ERI3: variants seen among roughly 807,000 people sequenced by gnomAD.
ERI3 encodes ERI1 exoribonuclease family member 3, also known as ERI1 exoribonuclease 3.
A neutral mutation model predicts 44.4 loss-of-function variants in ERI3; 18 were observed. The observed-to-expected ratio is 0.41, with a 90% CI of 0.28 to 0.60. The LOEUF is 0.60. Among genes scored for constraint, ERI3 ranks in the 20% least tolerant of loss-of-function variants. ERI3 has a pLI of 0.36. For missense variants in ERI3, 294 were observed against 435.5 expected, an observed-to-expected ratio of 0.68 and a Z score of 2.89; for synonymous variants, 183 against 164.8, an observed-to-expected ratio of 1.11 and a Z score of -0.84.
rs1281064293 is a variant in ERI3 at position 44,235,826 on chromosome 1, T to C, written c.931+12113A>G. ...TCCTGCAAACCCAGGCAGTCAAGGG[T>C]GGCAGTGGTGGTGCTGGGGCGCCCC... On this transcript the variant is annotated intron_variant, in intron 8 of 8. Coordinates refer to ENST00000372257, the MANE Select transcript of ERI3 (RefSeq NM_024066.3). This position sits in a 1 kb window ranked among gnomAD's most constrained non-coding sequence, Gnocchi z 4.6. Among the ~76,000 whole-genome samples the C allele has an allele frequency of 6.6e-6, 1 of 151,970 alleles. No homozygotes were observed. The highest frequency in any genetic ancestry group is 1.5e-5 in the Non-Finnish European group (1 of 67,956).
In ERI3 at chr1:44,355,223, G is replaced by C; in HGVS notation, c.-197C>G. ...CCCGTTCCCGGCCGCCTGAACAGCG[G>C]CAGCCAGCACCACGAGTCCACAACA... On this transcript the variant is annotated 5_prime_UTR_variant, in exon 1 of 9. Coordinates refer to ENST00000372257, the MANE Select transcript of ERI3 (RefSeq NM_024066.3). 8.4e-7 allele frequency: 1 copy of C among 1,186,452 alleles called. No homozygotes were observed. Among genetic ancestry groups the C allele is most frequent in the Non-Finnish European group, 1.0e-6 (1 of 959,038 alleles). 73.5% of individuals were successfully genotyped at this position (1,186,452 alleles called of 1,614,324 possible). A position where few individuals can be genotyped will look rare whatever the true frequency, so the allele number is the denominator to read the frequency against.
At chr1:44,263,284 C>T (rs140648269) in intron 7 of ERI3, among the ~76,000 whole-genome samples, 3 of 152,240 alleles carry the variant, frequency 2.0e-5, no homozygotes, top group Middle Eastern at 3.4e-3. Context: ...GGGCTGAAAA[C>T]GAAAAGCAAG....
At chr1:44,259,874 T>A (rs1263137327) in intron 7 of ERI3, among the ~76,000 whole-genome samples, 4 of 119,358 alleles carry the variant, frequency 3.4e-5, no homozygotes, top group Middle Eastern at 4.5e-3. Context: ...AGGAAAACCC[T>A]CTAGATAGAT....
At chr1:44,323,181 T>G (rs1557851463) in intron 3 of ERI3, 3 of 238,340 alleles carry the variant, frequency 1.3e-5, no homozygotes, top group Admixed American at 5.6e-5. Flanking sequence ...TGCCTTTGTA[T>G]GCCATTTGCA....
chr1:44,309,088 A>T (rs900185318), intron 5 of ERI3, among the ~76,000 whole-genome samples: 1 of 152,192 alleles, frequency 6.6e-6, no homozygotes, highest in African/African-American at 2.4e-5. Flanking sequence ...AAGGGAGAAA[A>T]ACTGCTCCTA....
intron 7 of ERI3, among the ~76,000 whole-genome samples, chr1:44,262,112 C>T (rs933355482): frequency 6.6e-6 from 1 of 152,148 alleles, no homozygotes; most frequent in Non-Finnish European, 1.5e-5. Context: ...GTCCCTCAGG[C>T]TCGCTAAAGC....
intron 8 of ERI3, among the ~76,000 whole-genome samples, chr1:44,239,037 C>T (rs986587745): frequency 1.3e-5 from 2 of 151,640 alleles, no homozygotes; most frequent in African/African-American, 2.4e-5. Flanking sequence ...CCCCTCCCCC[C>T]CCCAATCCAG....
chr1:44,336,187 G>T (rs1646532545), intron 3 of ERI3, among the ~76,000 whole-genome samples: 1 of 152,160 alleles, frequency 6.6e-6, no homozygotes, highest in Admixed American at 6.5e-5. Context: ...AAACAGCACA[G>T]GGGCTCTAAT....
intron 6 of ERI3, among the ~76,000 whole-genome samples, chr1:44,286,326 T>C (rs1645393184): frequency 6.6e-6 from 1 of 152,170 alleles, no homozygotes; most frequent in Non-Finnish European, 1.5e-5. Context: ...ACATGCTTGA[T>C]ACGCAATAAG....
intron 6 of ERI3, among the ~76,000 whole-genome samples, chr1:44,299,073 T>C (rs1485195628): frequency 6.6e-6 from 1 of 152,200 alleles, no homozygotes; most frequent in African/African-American, 2.4e-5. Context: ...TGAAAAAGGT[T>C]CTTGATCTTG....
chr1:44,239,601 GCTGGC>G (rs1431382966), intron 8 of ERI3, among the ~76,000 whole-genome samples: 1 of 152,228 alleles, frequency 6.6e-6, no homozygotes, highest in African/African-American at 2.4e-5. Context: ...CTGGGGCTCA[GCTGGC>G]CTGGCCTTGG....
intron 6 of ERI3, among the ~76,000 whole-genome samples, chr1:44,287,748 CTT>C (rs1645423798): frequency 6.6e-6 from 1 of 152,252 alleles, no homozygotes; most frequent in Non-Finnish European, 1.5e-5. Context: ...TTCCTTCAAT[CTT>C]TCTTTCATGT....
intron 7 of ERI3, among the ~76,000 whole-genome samples, chr1:44,283,608 C>T (rs754104834): frequency 3.9e-5 from 6 of 152,142 alleles, no homozygotes; most frequent in Non-Finnish European, 8.8e-5. Flanking sequence ...AGCAGCTGCC[C>T]AGTTTCATGG....
chr1:44,316,858 A>G (rs1646098401), intron 4 of ERI3, among the ~76,000 whole-genome samples: 2 of 152,096 alleles, frequency 1.3e-5, no homozygotes, highest in South Asian at 4.1e-4. Context: ...GATGAACTGG[A>G]GCAGATTCTA....
chr1:44,270,720 G>T (rs1157212458), intron 7 of ERI3, among the ~76,000 whole-genome samples: 2 of 152,208 alleles, frequency 1.3e-5, no homozygotes, highest in Non-Finnish European at 2.9e-5. Flanking sequence ...GCCACGGAGG[G>T]CACTATAAGA....
At chr1:44,279,165 T>A (rs1263435352) in intron 7 of ERI3, among the ~76,000 whole-genome samples, 1 of 151,968 alleles carries the variant, frequency 6.6e-6, no homozygotes, top group Admixed American at 6.6e-5. Flanking sequence ...CCCTATACCC[T>A]CTTCTTTGGC....
At chr1:44,346,695 G>C (rs752004644) in intron 2 of ERI3, among the ~76,000 whole-genome samples, 4 of 152,078 alleles carry the variant, frequency 2.6e-5, no homozygotes, top group Non-Finnish European at 5.9e-5. Flanking sequence ...GTCCCAAGAT[G>C]GGGAACTGCT....
At chr1:44,258,691 G>C (rs1166684098) in intron 7 of ERI3, among the ~76,000 whole-genome samples, 1 of 152,200 alleles carries the variant, frequency 6.6e-6, no homozygotes, top group Admixed American at 6.5e-5. Flanking sequence ...TGGGCCATAG[G>C]TGGGGCACCC....
At chr1:44,313,305 T>C (rs1280976283) in intron 4 of ERI3, 77 bp from the exon 5 acceptor site, 1 of 1,354,136 alleles carries the variant, frequency 7.4e-7, no homozygotes, top group Non-Finnish European at 1.0e-6. Context: ...CCCCTTCCTT[T>C]CTGTTTTTCT....
Sources: gnomAD v4.1 joint callset for allele counts (sites outside exome capture counted in the v4.1 genomes callset) on GRCh38, gnomAD v4.1.1 for gene constraint, Gnocchi (gnomAD v3.1) non-coding constraint, MANE v1.5 for transcripts, NCBI Gene and HGNC (gene_info 2026-07-23, HGNC 2026-07-21) for gene names.